Variants in TBC1D19 observed in about 807,000 individuals in gnomAD.
The protein encoded by TBC1D19 is TBC1 domain family member 19.
Under a neutral mutation model 89.0 loss-of-function variants are expected in TBC1D19, and 60 were observed. The observed-to-expected ratio is 0.67, with a 90% CI of 0.55 to 0.84. TBC1D19 has a LOEUF of 0.84. Ranked by LOEUF, TBC1D19 falls within the 40% of genes least tolerant of loss-of-function variation. The probability of loss-of-function intolerance (pLI) is 0.00; values close to 1 mark genes in which losing one functional copy is unlikely to be tolerated. For missense variants in TBC1D19, 500 were observed against 610.8 expected (o/e 0.82, Z 1.91); for synonymous variants, 189 against 199.7 (o/e 0.95, Z 0.45).
chr4:26,719,862 T>A (rs1716864559), intron 14 of TBC1D19, among the ~76,000 whole-genome samples: 1 of 152,148 alleles, frequency 6.6e-6, no homozygotes, highest in Non-Finnish European at 1.5e-5. Flanking sequence ...TTGTGTCGCT[T>A]CTGTTGTACT....
chr4:26,661,682 C>T lies in TBC1D19; in HGVS notation c.591+1975C>T, dbSNP rs1745229532. 3.9e-5 allele frequency among the ~76,000 whole-genome samples: 6 copies of T among 152,288 alleles called. No homozygotes were observed. The South Asian group carries it at 1.2e-3, about 32-fold the overall frequency. On this transcript the variant is annotated intron_variant, in intron 8 of 20. Transcript: ENST00000264866. ...TCAGGTTCTGATTTACATTGACACT[C>T]ACAGGATGCAATAGACGATAACCTG... is the stretch of plus-strand genomic sequence containing the variant.
the TBC1D19 span, among the ~76,000 whole-genome samples, chr4:26,829,173 G>A: frequency 6.6e-6 from 1 of 152,174 alleles, no homozygotes; most frequent in East Asian, 1.9e-4. Flanking sequence ...CTCATGGGAA[G>A]TTTATTATAA....
the TBC1D19 span, among the ~76,000 whole-genome samples, chr4:26,842,940 A>G: frequency 2.6e-5 from 4 of 152,178 alleles, no homozygotes; most frequent in African/African-American, 9.7e-5. Context: ...AGAAAAAGGA[A>G]GAATTAAGTC....
At chr4:26,829,853 G>T in the TBC1D19 span, among the ~76,000 whole-genome samples, 3,174 of 152,258 alleles carry the variant, frequency 0.021, 74 homozygotes, top group African/African-American at 0.054. Flanking sequence ...TTGCATTCCC[G>T]GAATGACTTT....
chr4:26,579,895 A>G (rs1245766021), upstream of TBC1D19, among the ~76,000 whole-genome samples: 1 of 152,226 alleles, frequency 6.6e-6, no homozygotes, highest in Admixed American at 6.5e-5. Flanking sequence ...GCGATAAGCC[A>G]GGGAGGGAAA....
chr4:26,793,164 C>G, the TBC1D19 span, among the ~76,000 whole-genome samples: 7 of 152,108 alleles, frequency 4.6e-5, no homozygotes, highest in Admixed American at 1.3e-4. Context: ...AAGTCAGGAA[C>G]AGTGAGGGAT....
At chr4:26,640,963 G>A (rs1332154921) in intron 7 of TBC1D19, among the ~76,000 whole-genome samples, 1 of 152,168 alleles carries the variant, frequency 6.6e-6, no homozygotes, top group Non-Finnish European at 1.5e-5. Context: ...CTCCATCTCT[G>A]GGGGCAGGGC....
intron 18 of TBC1D19, among the ~76,000 whole-genome samples, chr4:26,743,981 G>T (rs1053535593): frequency 6.6e-6 from 1 of 151,572 alleles, no homozygotes; most frequent in African/African-American, 2.4e-5. Context: ...TATAGGAAAA[G>T]TGTAAAAATT....
chr4:26,784,724 G>C, the TBC1D19 span, among the ~76,000 whole-genome samples: 9 of 152,194 alleles, frequency 5.9e-5, no homozygotes, highest in Non-Finnish European at 1.2e-4. Context: ...CAACATGCTT[G>C]AGTATCCTTA....
At chr4:26,691,442 A>T (rs889371700) in intron 13 of TBC1D19, among the ~76,000 whole-genome samples, 4 of 152,166 alleles carry the variant, frequency 2.6e-5, no homozygotes, top group African/African-American at 9.7e-5. Context: ...CAGCAAATTT[A>T]TTGTTGTCTT....
At chr4:26,836,145 T>A in the TBC1D19 span, among the ~76,000 whole-genome samples, 6 of 152,218 alleles carry the variant, frequency 3.9e-5, no homozygotes, top group Non-Finnish European at 5.9e-5. Context: ...GTCATTCTTA[T>A]GTGCCCTGAC....
At chr4:26,740,468 A>T (rs1012697823) in intron 17 of TBC1D19, among the ~76,000 whole-genome samples, 1 of 152,178 alleles carries the variant, frequency 6.6e-6, no homozygotes, top group African/African-American at 2.4e-5. Flanking sequence ...CTTGTTTGCC[A>T]ATTTCATATT....
At chr4:26,702,867 C>A (rs1390351422) in intron 13 of TBC1D19, among the ~76,000 whole-genome samples, 1 of 152,138 alleles carries the variant, frequency 6.6e-6, no homozygotes, top group Non-Finnish European at 1.5e-5. Context: ...CTCCATATTC[C>A]CCCTGCCCCC....
At chr4:26,643,122 A>G (rs1228572993) in intron 7 of TBC1D19, among the ~76,000 whole-genome samples, 5 of 152,236 alleles carry the variant, frequency 3.3e-5, no homozygotes, top group South Asian at 2.1e-4. Flanking sequence ...AACAGAATAT[A>G]CATTCTTCTC....
At chr4:26,731,374 A>G (rs1717654034) in intron 15 of TBC1D19, among the ~76,000 whole-genome samples, 1 of 152,098 alleles carries the variant, frequency 6.6e-6, no homozygotes, top group Non-Finnish European at 1.5e-5. Flanking sequence ...TGGGGTACAG[A>G]GAAGGAATGA....
At chr4:26,741,792 A>G (rs1395107694) in intron 17 of TBC1D19, among the ~76,000 whole-genome samples, 2 of 152,198 alleles carry the variant, frequency 1.3e-5, no homozygotes, top group Non-Finnish European at 2.9e-5. Context: ...GAGGAATGCT[A>G]AGCTGCAGGA....
At chr4:26,603,158 A>G (rs930440211) in intron 1 of TBC1D19, among the ~76,000 whole-genome samples, 6 of 152,352 alleles carry the variant, frequency 3.9e-5, no homozygotes, top group African/African-American at 1.2e-4. Flanking sequence ...TTAAATAAAA[A>G]TTAGTTTTGC....
intron 13 of TBC1D19, among the ~76,000 whole-genome samples, chr4:26,710,106 G>A (rs1031439147): frequency 1.6e-4 from 25 of 151,990 alleles, no homozygotes; most frequent in African/African-American, 5.8e-4. Context: ...ATGTATACAT[G>A]TGCCATGTTG....
intron 12 of TBC1D19, among the ~76,000 whole-genome samples, chr4:26,686,268 TCAAA>T (rs1713803002): frequency 6.6e-6 from 1 of 152,128 alleles, no homozygotes; most frequent in African/African-American, 2.4e-5. Flanking sequence ...GTCAAATAGC[TCAAA>T]CAGTCTACAA....
Sources: gnomAD v4.1 joint callset for allele counts (sites outside exome capture counted in the v4.1 genomes callset) on GRCh38, gnomAD v4.1.1 for gene constraint, MANE v1.5 for transcripts, NCBI Gene and HGNC (gene_info 2026-07-23, HGNC 2026-07-21) for gene names.